Variants in RP1 observed in about 807,000 individuals in gnomAD.
RP1 encodes oxygen-regulated protein 1.
In RP1, 16 loss-of-function variants were observed where a neutral mutation model predicts 14.8. The observed-to-expected ratio is 1.08, with a 90% CI of 0.73 to 1.65. RP1 has a LOEUF of 1.65. RP1 is among the 40% of genes most tolerant of loss of function. The probability of loss-of-function intolerance (pLI) is 0.00; values close to 1 mark genes in which losing one functional copy is unlikely to be tolerated. For synonymous variants in RP1, 876 were observed against 883.6 expected (o/e 0.99, Z 0.15); for missense variants, 2,631 against 2,535.0 (o/e 1.04, Z -0.81).
intron 7 of RP1, among the ~76,000 whole-genome samples, chr8:54,670,950 C>T (rs1175011100): frequency 2.6e-5 from 4 of 151,624 alleles, no homozygotes; most frequent in African/African-American, 9.7e-5. Flanking sequence ...TTCATATTTT[C>T]ATATGACTTC....
intron 18 of RP1, chr8:54,738,931 C>A: frequency 2.1e-6 from 3 of 1,433,496 alleles, no homozygotes; most frequent in South Asian, 1.5e-5. Flanking sequence ...TTCTCCTTTG[C>A]ATTTCATTCA....
intron 24 of RP1, among the ~76,000 whole-genome samples, chr8:54,789,413 G>A (rs1329947628): frequency 6.6e-6 from 1 of 152,080 alleles, no homozygotes; most frequent in East Asian, 1.9e-4. Flanking sequence ...ATATCTTGCA[G>A]CCCTGCCTGA....
At chr8:54,670,513 A>G (rs1265662659) in intron 7 of RP1, among the ~76,000 whole-genome samples, 3 of 50,284 alleles carry the variant, frequency 6.0e-5, no homozygotes, top group Admixed American at 5.9e-4. Flanking sequence ...ATACACATAT[A>G]TATGTATGTG....
At chr8:54,795,946 T>A (rs1810566615) in intron 24 of RP1, among the ~76,000 whole-genome samples, 1 of 152,214 alleles carries the variant, frequency 6.6e-6, no homozygotes, top group Non-Finnish European at 1.5e-5. Context: ...TTCCTTTACC[T>A]CTTTCTCTTT....
At chr8:54,571,593 C>T (rs551568246) in intron 1 of RP1, among the ~76,000 whole-genome samples, 252 of 152,300 alleles carry the variant, frequency 1.7e-3, no homozygotes, top group African/African-American at 5.9e-3. Context: ...TCAAGTCTTC[C>T]TTTTCAGATG....
At chr8:54,685,186 C>A (rs1023218167) in intron 12 of RP1, among the ~76,000 whole-genome samples, 8 of 152,026 alleles carry the variant, frequency 5.3e-5, no homozygotes, top group African/African-American at 1.9e-4. Flanking sequence ...TTTGTTATTT[C>A]TTGTCTTCTA....
At chr8:54,801,998 GATTT>G (rs1444680360) in intron 24 of RP1, among the ~76,000 whole-genome samples, 2 of 152,142 alleles carry the variant, frequency 1.3e-5, no homozygotes, top group African/African-American at 4.8e-5. Context: ...TGGGTAGTCA[GATTT>G]ATTTATTTTC....
At chr8:54,635,077 A>G (rs1349860127), downstream of RP1, among the ~76,000 whole-genome samples, 4 of 150,240 alleles carry the variant, frequency 2.7e-5, no homozygotes, top group African/African-American at 9.8e-5. Context: ...GCGAGACTCC[A>G]TCTCAAAAAA....
chr8:54,588,551 G>T (rs1804981891), intron 1 of RP1, among the ~76,000 whole-genome samples: 2 of 152,156 alleles, frequency 1.3e-5, no homozygotes, highest in South Asian at 4.1e-4. Context: ...AAAGGGAAAG[G>T]CTGTGGACAC....
Position 54,629,937 on chromosome 8 carries a change from G to T in RP1, c.6055G>T (p.Gly2019Cys). The T allele has an allele frequency of 6.2e-7, 1 of 1,613,898 alleles. No homozygotes were observed. Among genetic ancestry groups the T allele is most frequent in the Non-Finnish European group, 8.5e-7 (1 of 1,179,926 alleles). Reference protein sequence around the residue: ...RINFLGLEEEGNLKKFQPDLK... With the variant: ...RINFLGLEEECNLKKFQPDLK... ...TAACTTCTTGGGGTTAGAGGAAGAA[G>T]GTAATTTAAAGAAATTTCAACCAGA... Residue 2019 changes from glycine to cysteine, a missense_variant, in exon 4 of 4, where the codon GGT becomes TGT. Transcript: ENST00000220676.
At chr8:54,616,559 C>G (rs1805721463) in intron 1 of RP1, among the ~76,000 whole-genome samples, 2 of 152,162 alleles carry the variant, frequency 1.3e-5, no homozygotes, top group African/African-American at 4.8e-5. Flanking sequence ...CTGTGACTAC[C>G]ACAGTGAATA....
chr8:54,658,550 C>CAAAAAA (rs755052184), intron 6 of RP1, among the ~76,000 whole-genome samples: 3 of 81,806 alleles, frequency 3.7e-5, no homozygotes, highest in Middle Eastern at 6.5e-3. Context: ...GACTCCGTCT[C>CAAAAAA]AAAAAAAAAA....
intron 17 of RP1, among the ~76,000 whole-genome samples, chr8:54,729,432 G>GA (rs983084206): frequency 2.0e-5 from 3 of 151,798 alleles, no homozygotes; most frequent in African/African-American, 4.8e-5. Context: ...AACCTGGGCA[G>GA]AAAAAAAATC....
intron 7 of RP1, among the ~76,000 whole-genome samples, chr8:54,669,234 A>G (rs915602215): frequency 1.3e-5 from 2 of 152,166 alleles, no homozygotes; most frequent in African/African-American, 2.4e-5. Context: ...ACAGACGCTT[A>G]TCAAAAGAAG....
At chr8:54,586,486 C>T (rs914459178) in intron 1 of RP1, among the ~76,000 whole-genome samples, 1 of 152,194 alleles carries the variant, frequency 6.6e-6, no homozygotes, top group African/African-American at 2.4e-5. Context: ...GTCAGATCTC[C>T]AGTTGTGTGC....
At chr8:54,858,813 G>C (rs993674639) in intron 27 of RP1, among the ~76,000 whole-genome samples, 1 of 152,116 alleles carries the variant, frequency 6.6e-6, no homozygotes, top group African/African-American at 2.4e-5. Flanking sequence ...TGTCACTGTA[G>C]ATTGATGTCA....
chr8:54,788,808 T>A (rs1003854389), intron 24 of RP1, among the ~76,000 whole-genome samples: 9 of 152,300 alleles, frequency 5.9e-5, no homozygotes, highest in Admixed American at 5.9e-4. Context: ...TTTGCTTAGC[T>A]TCAGTACTCC....
intron 19 of RP1, among the ~76,000 whole-genome samples, chr8:54,754,442 A>G (rs1231040589): frequency 1.3e-5 from 2 of 152,122 alleles, no homozygotes; most frequent in Non-Finnish European, 2.9e-5. Flanking sequence ...ATAAGATTGA[A>G]AGAATTTTAC....
intron 7 of RP1, among the ~76,000 whole-genome samples, chr8:54,672,908 C>T (rs1807210193): frequency 6.6e-6 from 1 of 152,050 alleles, no homozygotes; most frequent in African/African-American, 2.4e-5. Flanking sequence ...TATCATAACT[C>T]GTAATTATCT....
Sources: gnomAD v4.1 joint callset for allele counts (sites outside exome capture counted in the v4.1 genomes callset) on GRCh38, gnomAD v4.1.1 for gene constraint, MANE v1.5 for transcripts, NCBI Gene and HGNC (gene_info 2026-07-23, HGNC 2026-07-21) for gene names.